TSGA10: variants seen among roughly 807,000 people sequenced by gnomAD.
TSGA10 encodes testis specific 10, also known as testis-specific gene 10 protein.
TSGA10 carries 43 observed loss-of-function variants against 96.6 expected under a neutral mutation model. That is an observed-to-expected ratio of 0.44 (90% CI 0.35 to 0.57). The LOEUF (loss-of-function observed/expected upper bound fraction) is 0.57, where lower values mean the gene tolerates loss of function less well. TSGA10 is among the 20% of genes least tolerant of loss of function. TSGA10 has a pLI of 0.01. For missense variants in TSGA10, 703 were observed against 834.4 expected, an observed-to-expected ratio of 0.84 and a Z score of 1.94; for synonymous variants, 229 against 269.9, an observed-to-expected ratio of 0.85 and a Z score of 1.48.
intron 20 of TSGA10, among the ~76,000 whole-genome samples, chr2:99,011,707 C>T (rs770020758): frequency 1.3e-5 from 2 of 152,198 alleles, no homozygotes; most frequent in African/African-American, 2.4e-5. Context: ...TGTGAAGAAA[C>T]ATGCAAGCAT....
At chr2:99,094,601 G>C (rs1235323896) in intron 10 of TSGA10, among the ~76,000 whole-genome samples, 1 of 152,078 alleles carries the variant, frequency 6.6e-6, no homozygotes, top group Admixed American at 6.6e-5. Context: ...GACATGAATA[G>C]ATAATTTTCA....
intron 16 of TSGA10, among the ~76,000 whole-genome samples, chr2:99,048,684 G>A (rs1429603051): frequency 6.6e-6 from 1 of 152,138 alleles, no homozygotes; most frequent in Non-Finnish European, 1.5e-5. Flanking sequence ...AGGACTTCAT[G>A]ACTAAAACAC....
At position 99,097,307 on chromosome 2, in the gene TSGA10, A is replaced by G. The variant is rs968284762; in HGVS notation, c.611+6660T>C. Among the ~76,000 whole-genome samples the G allele has an allele frequency of 5.3e-5, 8 of 152,310 alleles. No individual in the cohort carries two copies. The South Asian group carries it at 1.4e-3, about 28-fold the overall frequency. ...GGATATTTTTTCTAACAGAAAATAA[A>G]GGACCCCAGATCACTCAAAGGCAAC... is the stretch of plus-strand genomic sequence containing the variant. On this transcript the variant is annotated intron_variant, in intron 10 of 20. Coordinates refer to ENST00000393483, the MANE Select transcript of TSGA10 (RefSeq NM_025244.4).
At chr2:99,109,543 G>GT in intron 5 of TSGA10, 31 bp from the exon 6 acceptor site, 1 of 1,472,728 alleles carries the variant, frequency 6.8e-7, no homozygotes, top group Non-Finnish European at 9.1e-7. Flanking sequence ...TGCTTTTTCA[G>GT]TATCTAAAAT....
intron 10 of TSGA10, among the ~76,000 whole-genome samples, chr2:99,095,963 C>T (rs374571900): frequency 1.2e-4 from 19 of 152,170 alleles, no homozygotes; most frequent in South Asian, 6.2e-4. Context: ...TGTATCAGTA[C>T]GTATGTAGGC....
At chr2:99,030,233 G>A (rs1290917747) in intron 17 of TSGA10, among the ~76,000 whole-genome samples, 1 of 152,162 alleles carries the variant, frequency 6.6e-6, no homozygotes, top group Non-Finnish European at 1.5e-5. Flanking sequence ...TGTAATCCCA[G>A]CTACTCGGGA....
chr2:99,095,710 G>A (rs1245251671), intron 10 of TSGA10, among the ~76,000 whole-genome samples: 1 of 152,142 alleles, frequency 6.6e-6, no homozygotes, highest in Middle Eastern at 3.2e-3. Context: ...GTGCAATCTC[G>A]GCTCACTGCA....
intron 10 of TSGA10, among the ~76,000 whole-genome samples, 191 bp from the exon 11 acceptor site, chr2:99,081,588 C>T (rs1392388945): frequency 1.3e-5 from 2 of 152,136 alleles, no homozygotes; most frequent in African/African-American, 2.4e-5. Flanking sequence ...CTTCAATCCA[C>T]CACTCCAACA....
intron 20 of TSGA10, among the ~76,000 whole-genome samples, chr2:99,005,162 T>A (rs566291282): frequency 2.6e-5 from 4 of 152,172 alleles, no homozygotes; most frequent in African/African-American, 9.7e-5. Context: ...AAGAGCTACT[T>A]ATGACAAACC....
intron 20 of TSGA10, among the ~76,000 whole-genome samples, chr2:99,016,608 C>T (rs1030356635): frequency 6.6e-6 from 1 of 152,030 alleles, no homozygotes; most frequent in Non-Finnish European, 1.5e-5. Flanking sequence ...ACCAAGAACC[C>T]AAAAGCAAAT....
At chr2:99,066,536 A>G (rs1422103391) in intron 15 of TSGA10, among the ~76,000 whole-genome samples, 1 of 152,048 alleles carries the variant, frequency 6.6e-6, no homozygotes, top group African/African-American at 2.4e-5. Context: ...GTATTTCTCT[A>G]AAGCAGGAAC....
chr2:99,102,501 G>A, intron 10 of TSGA10: 1 of 1,614,038 alleles, frequency 6.2e-7, no homozygotes, highest in Non-Finnish European at 8.5e-7. Flanking sequence ...TCAGAAATGT[G>A]ACCCGGCTCC....
At chr2:98,998,243 T>C in intron 20 of TSGA10, 22 bp from the exon 21 acceptor site, 1 of 1,578,954 alleles carries the variant, frequency 6.3e-7, no homozygotes, top group Non-Finnish European at 8.6e-7. Flanking sequence ...AAAATCATGC[T>C]GATTAATATT....
chr2:99,135,318 C>G (rs570714758), intron 1 of TSGA10, among the ~76,000 whole-genome samples: 1 of 152,160 alleles, frequency 6.6e-6, no homozygotes. Flanking sequence ...CTGGCTACAG[C>G]AGCTTAGCCA....
At chr2:99,084,918 C>A (rs1563106) in intron 10 of TSGA10, among the ~76,000 whole-genome samples, 60,572 of 150,646 alleles carry the variant, frequency 0.4, 14,249 homozygotes, top group African/African-American at 0.65. Context: ...GAAACAAAAC[C>A]CACTGATTAC....
At chr2:99,019,584 C>T (rs998922421) in intron 18 of TSGA10, among the ~76,000 whole-genome samples, 1 of 152,164 alleles carries the variant, frequency 6.6e-6, no homozygotes, top group Admixed American at 6.5e-5. Context: ...GCTTCTTATC[C>T]TTCCCCATGT....
At chr2:99,100,377 AC>A (rs1352213417) in intron 10 of TSGA10, among the ~76,000 whole-genome samples, 1 of 152,234 alleles carries the variant, frequency 6.6e-6, no homozygotes, top group Non-Finnish European at 1.5e-5. Context: ...ATAAACACAT[AC>A]ATAGATATTT....
rs1224496194 is a variant in TSGA10 at position 99,153,485 on chromosome 2, G to C, written c.-621+1208C>G. ...GGAGAAGCTGAAGAAGTAGGTAAAG[G>C]TAAGAATAACCAAGGGACAGAAGTC... On this transcript the variant is annotated intron_variant, in intron 1 of 20. Coordinates refer to ENST00000393483, the MANE Select transcript of TSGA10 (RefSeq NM_025244.4). Among the ~76,000 whole-genome samples the C allele has an allele frequency of 2.0e-5, 3 of 152,144 alleles. No homozygotes were observed. The East Asian group carries it at 5.8e-4, about 29-fold the overall frequency.
chr2:99,042,447 G>A (rs901690500), intron 16 of TSGA10, among the ~76,000 whole-genome samples: 4 of 152,146 alleles, frequency 2.6e-5, no homozygotes, highest in Non-Finnish European at 5.9e-5. Context: ...CTGGTCAGCT[G>A]TCTGGGGCTC....
Sources: allele counts gnomAD v4.1 joint callset (sites outside exome capture counted in the v4.1 genomes callset), GRCh38; gene constraint gnomAD v4.1.1; transcripts MANE v1.5; gene names NCBI Gene and HGNC (gene_info 2026-07-23, HGNC 2026-07-21).